ADAMTS12: variants seen among roughly 807,000 people sequenced by gnomAD.
ADAMTS12 encodes ADAM metallopeptidase with thrombospondin type 1 motif 12, also known as A disintegrin and metalloproteinase with thrombospondin motifs 12.
In ADAMTS12, 118 loss-of-function variants were observed where a neutral mutation model predicts 167.8. The ratio of observed to expected loss-of-function variants is 0.70; its 90% CI spans 0.61 to 0.82. The LOEUF is 0.82. ADAMTS12 is among the 40% of genes least tolerant of loss of function. The pLI, the probability that ADAMTS12 is intolerant of heterozygous loss-of-function variation, is 0.00. For synonymous variants in ADAMTS12, 704 were observed against 716.9 expected (o/e 0.98, Z 0.29); for missense variants, 1,916 against 1,998.8 (o/e 0.96, Z 0.79).
chr5:33,790,830 G>C (rs1192291343), intron 2 of ADAMTS12, among the ~76,000 whole-genome samples: 1 of 141,324 alleles, frequency 7.1e-6, no homozygotes, highest in African/African-American at 2.7e-5. Flanking sequence ...TATATATATG[G>C]CTAAGGTGCA....
chr5:33,661,239 T>C (rs1741247629), intron 6 of ADAMTS12, among the ~76,000 whole-genome samples: 2 of 152,222 alleles, frequency 1.3e-5, no homozygotes, highest in Admixed American at 1.3e-4. Flanking sequence ...AGGTGCTCAA[T>C]AAATATTTAT....
chr5:33,710,420 C>T (rs1184732080), intron 3 of ADAMTS12, among the ~76,000 whole-genome samples: 1 of 152,168 alleles, frequency 6.6e-6, no homozygotes, highest in South Asian at 2.1e-4. Flanking sequence ...CTAATCGTAA[C>T]ACATTTTAGA....
At chr5:33,836,980 C>T (rs979086189) in intron 2 of ADAMTS12, among the ~76,000 whole-genome samples, 1 of 152,050 alleles carries the variant, frequency 6.6e-6, no homozygotes, top group African/African-American at 2.4e-5. Context: ...AACTCCTAGG[C>T]CCAAGCAATC....
chr5:33,579,945 C>T (rs750810909), intron 18 of ADAMTS12, among the ~76,000 whole-genome samples: 5 of 152,190 alleles, frequency 3.3e-5, no homozygotes, highest in African/African-American at 1.2e-4. Context: ...GGAGGTGTGA[C>T]GTGAGCAGCT....
chr5:33,549,114 G>T lies in ADAMTS12; in HGVS notation c.4302+93C>A, dbSNP rs1579650775. ...CCAGTCATTGGCAGGACACAGGTGT[G>T]GTCTTCCCTGATTTCTACACTTATG... is the stretch of plus-strand genomic sequence containing the variant. On this transcript the variant is annotated intron_variant, in intron 21 of 23. Transcript: ENST00000504830. 14 of 1,451,542 alleles carry T rather than the reference G, an allele frequency of 9.6e-6. No individual in the cohort carries two copies. In the East Asian group the frequency reaches 3.3e-4, roughly 34 times the overall value. 89.9% of individuals were successfully genotyped at this position (1,451,542 alleles called of 1,614,324 possible).
intron 2 of ADAMTS12, among the ~76,000 whole-genome samples, chr5:33,821,706 C>A (rs1238742553): frequency 1.3e-5 from 2 of 152,088 alleles, no homozygotes; most frequent in African/African-American, 4.8e-5. Flanking sequence ...TTAAAAAAAT[C>A]ATTCCTGTTG....
intron 21 of ADAMTS12, 102 bp from the exon 22 acceptor site, chr5:33,546,304 C>T: frequency 9.0e-7 from 1 of 1,105,316 alleles, no homozygotes; most frequent in Non-Finnish European, 1.2e-6. Flanking sequence ...TACAGTGTTA[C>T]TAGGAATATT....
At chr5:33,597,537 C>T (rs1737956821) in intron 16 of ADAMTS12, among the ~76,000 whole-genome samples, 1 of 152,174 alleles carries the variant, frequency 6.6e-6, no homozygotes, top group South Asian at 2.1e-4. Flanking sequence ...TGACCTGGAA[C>T]CTGCTGTCCT....
chr5:33,658,768 T>G (rs573174599), intron 6 of ADAMTS12, among the ~76,000 whole-genome samples: 1 of 152,294 alleles, frequency 6.6e-6, no homozygotes, highest in African/African-American at 2.4e-5. Context: ...AAGAACTTCT[T>G]TTTCCCATTC....
At chr5:33,776,379 C>A (rs529185492) in intron 2 of ADAMTS12, among the ~76,000 whole-genome samples, 105 of 152,168 alleles carry the variant, frequency 6.9e-4, no homozygotes, top group Non-Finnish European at 1.3e-3. Context: ...TCTTTTCTGA[C>A]CACAGTGGTA....
chr5:33,797,878 T>C lies in ADAMTS12; in HGVS notation c.490-46330A>G, dbSNP rs543382479. Among the ~76,000 whole-genome samples the C allele has an allele frequency of 2.0e-5, 3 of 152,354 alleles. No individual in the cohort carries two copies. The South Asian group carries it at 6.2e-4, about 32-fold the overall frequency. On this transcript the variant is annotated intron_variant, in intron 2 of 23. Transcript: ENST00000504830. ...CATATACTAGCTACACAAATACTTATGTTATTTAAATTGCAATTTTCTAAT... is the reference window on the plus strand; with the variant it reads ...CATATACTAGCTACACAAATACTTACGTTATTTAAATTGCAATTTTCTAAT...
chr5:33,701,525 A>G (rs1743002947), intron 3 of ADAMTS12, among the ~76,000 whole-genome samples: 1 of 152,210 alleles, frequency 6.6e-6, no homozygotes, highest in Non-Finnish European at 1.5e-5. Flanking sequence ...AGTTCCTGGG[A>G]GCAGATCTGA....
At chr5:33,647,327 T>C (rs1740704740) in intron 9 of ADAMTS12, among the ~76,000 whole-genome samples, 1 of 152,162 alleles carries the variant, frequency 6.6e-6, no homozygotes, top group South Asian at 2.1e-4. Context: ...GGATTTCCAT[T>C]TATAAAGGTT....
Position 33,527,049 on chromosome 5 carries a change from AATGGATTTTGTTTCAT to A in ADAMTS12, c.*123_*138del. On this transcript the variant is annotated 3_prime_UTR_variant, in exon 24 of 24. Coordinates refer to ENST00000504830, the MANE Select transcript of ADAMTS12 (RefSeq NM_030955.4). ...GGACATTCGGTGGCTAGAGGAACAC[AATGGATTTTGTTTCAT>A]CATGACCCAAAGCTGAATCTGAAAT... The A allele has an allele frequency of 1.7e-6, 2 of 1,156,840 alleles. No individual in the cohort carries two copies. Among genetic ancestry groups the A allele is most frequent in the Admixed American group, 4.4e-5 (2 of 45,040 alleles). 71.7% of individuals were successfully genotyped at this position (1,156,840 alleles called of 1,614,324 possible).
intron 23 of ADAMTS12, among the ~76,000 whole-genome samples, chr5:33,534,463 C>A (rs533603558): frequency 1.3e-5 from 2 of 152,268 alleles, no homozygotes; most frequent in African/African-American, 4.8e-5. Flanking sequence ...TAGAGATGAC[C>A]ATTTCACACT....
At chr5:33,577,639 T>C (rs1746827196) in intron 18 of ADAMTS12, among the ~76,000 whole-genome samples, 1 of 152,206 alleles carries the variant, frequency 6.6e-6, no homozygotes, top group Admixed American at 6.5e-5. Context: ...CTCACACATT[T>C]TCCCCAGGTA....
At chr5:33,557,586 G>C (rs1446653260) in intron 20 of ADAMTS12, among the ~76,000 whole-genome samples, 4 of 151,992 alleles carry the variant, frequency 2.6e-5, no homozygotes. Context: ...GCTGTGAGTG[G>C]GCCACTGCAC....
At chr5:33,677,288 C>A (rs1402109132) in intron 5 of ADAMTS12, among the ~76,000 whole-genome samples, 1 of 152,108 alleles carries the variant, frequency 6.6e-6, no homozygotes, top group Non-Finnish European at 1.5e-5. Context: ...TTTCTACAAG[C>A]CAGATACTAT....
intron 5 of ADAMTS12, among the ~76,000 whole-genome samples, chr5:33,672,508 T>G (rs1741746180): frequency 6.6e-6 from 1 of 152,244 alleles, no homozygotes; most frequent in South Asian, 2.1e-4. Flanking sequence ...ATAGAGCTCT[T>G]GTTCTCCCTT....
Sources: allele counts gnomAD v4.1 joint callset (sites outside exome capture counted in the v4.1 genomes callset), GRCh38; gene constraint gnomAD v4.1.1; transcripts MANE v1.5; gene names NCBI Gene and HGNC (gene_info 2026-07-23, HGNC 2026-07-21).